The following PRKD1 variants were observed in gnomAD, a reference collection of about 807,000 sequenced individuals.
PRKD1 encodes serine/threonine-protein kinase D1.
A neutral mutation model predicts 95.9 loss-of-function variants in PRKD1; 63 were observed. The observed-to-expected ratio is 0.66, with a 90% CI of 0.54 to 0.81. The LOEUF (loss-of-function observed/expected upper bound fraction) is 0.81. Among genes scored for constraint, PRKD1 ranks in the 30% least tolerant of loss-of-function variants. The pLI is 0.00. For missense variants in PRKD1, 1,048 were observed against 1,165.3 expected, an observed-to-expected ratio of 0.90 and a Z score of 1.47; for synonymous variants, 425 against 423.1, an observed-to-expected ratio of 1.00 and a Z score of -0.05.
chr14:29,715,326 T>G (rs1885552177), intron 2 of PRKD1, among the ~76,000 whole-genome samples: 1 of 151,894 alleles, frequency 6.6e-6, no homozygotes, highest in African/African-American at 2.4e-5. Context: ...TTTTTTCAGA[T>G]AGTGAAAATG....
At chr14:29,673,324 T>A (rs1882973572) in intron 2 of PRKD1, among the ~76,000 whole-genome samples, 1 of 152,186 alleles carries the variant, frequency 6.6e-6, no homozygotes, top group Non-Finnish European at 1.5e-5. Context: ...AAGGATACTC[T>A]CCTCAACATA....
chr14:29,870,014 T>G (rs770558359), intron 1 of PRKD1, among the ~76,000 whole-genome samples: 2 of 152,152 alleles, frequency 1.3e-5, no homozygotes, highest in Non-Finnish European at 2.9e-5. Context: ...AACTTATGGC[T>G]CCACAGTCAT....
intron 2 of PRKD1, among the ~76,000 whole-genome samples, chr14:29,722,476 T>C (rs1005288491): frequency 2.6e-5 from 4 of 152,220 alleles, no homozygotes; most frequent in African/African-American, 7.2e-5. Context: ...GACTTGAAGT[T>C]CAGTTTATTT....
At chr14:29,626,724 T>TA (rs1250015823) in intron 11 of PRKD1, among the ~76,000 whole-genome samples, 168 bp from the exon 12 acceptor site, 1 of 151,268 alleles carries the variant, frequency 6.6e-6, no homozygotes, top group East Asian at 1.9e-4. Context: ...CACTCTTTTT[T>TA]TTTTTTTTGA....
In PRKD1 at chr14:29,663,724, G is replaced by C. The variant is rs571479464; in HGVS notation, c.671C>G (p.Thr224Arg). 3.1e-5 allele frequency: 50 copies of C among 1,614,002 alleles called. No homozygotes were observed. In the South Asian group the frequency reaches 5.3e-4, roughly 17 times the overall value. ...CAGAAGGGGCTCATCAGGGGCACTT[G>C]TAGAGAGTTCAGCAGATGATGTGCG... ...TIRTSSAELS[T>R]SAPDEPLLQK... Residue 224 changes from threonine (T) to arginine (R), a missense_variant, in exon 4 of 18, where the codon ACA becomes AGA. Thr to Arg is a moderately conservative substitution (Grantham distance 71, BLOSUM62 -1). Coordinates refer to ENST00000331968, the MANE Select transcript of PRKD1 (RefSeq NM_002742.3).
At position 29,826,698 on chromosome 14, in the gene PRKD1, T is replaced by C. The variant is rs111206228; in HGVS notation, c.264+100551A>G. Among the ~76,000 whole-genome samples, 289 of 42,492 alleles carry C rather than the reference T, an allele frequency of 6.8e-3. 20 individuals are homozygous for C. The highest frequency in any genetic ancestry group is 0.024 in the African/African-American group (247 of 10,310). 27.9% of individuals were successfully genotyped at this position (42,492 alleles called of 152,430 possible). A position where few individuals can be genotyped will look rare whatever the true frequency, so the allele number is the denominator to read the frequency against. ...GTATATATATATACACACATATATATACATATATACACATATATATATACA... is the reference window on the plus strand; with the variant it reads ...GTATATATATATACACACATATATACACATATATACACATATATATATACA... On this transcript the variant is annotated intron_variant, in intron 1 of 17. Transcript: ENST00000331968.
At chr14:29,604,024 C>T (rs1480698942) in intron 13 of PRKD1, among the ~76,000 whole-genome samples, 3 of 152,012 alleles carry the variant, frequency 2.0e-5, no homozygotes, top group African/African-American at 7.2e-5. Context: ...CTCTCCTGAC[C>T]CAAGTTGCCT....
At chr14:29,884,061 C>T (rs1319155661) in intron 1 of PRKD1, among the ~76,000 whole-genome samples, 1 of 152,146 alleles carries the variant, frequency 6.6e-6, no homozygotes, top group African/African-American at 2.4e-5. Context: ...AAGTGATGCT[C>T]AGTTAAAGAA....
At chr14:29,812,449 A>G (rs1424775705) in intron 1 of PRKD1, among the ~76,000 whole-genome samples, 1 of 152,212 alleles carries the variant, frequency 6.6e-6, no homozygotes, top group Non-Finnish European at 1.5e-5. Context: ...GAAAGCGTTC[A>G]GTTATCGTAT....
chr14:29,914,594 C>T (rs1277391623), intron 1 of PRKD1, among the ~76,000 whole-genome samples: 2 of 152,084 alleles, frequency 1.3e-5, no homozygotes, highest in Non-Finnish European at 2.9e-5. Flanking sequence ...ATTAGCTAGG[C>T]GTGGTGGCAC....
chr14:29,711,458 T>C (rs1381126241), intron 2 of PRKD1, among the ~76,000 whole-genome samples: 2 of 152,128 alleles, frequency 1.3e-5, no homozygotes, highest in African/African-American at 2.4e-5. Flanking sequence ...AGTGGAATAA[T>C]GTTGTGGGGT....
At chr14:29,826,844 CATATATATATATATATATATATAT>C (rs1228527833) in intron 1 of PRKD1, among the ~76,000 whole-genome samples, 1 of 28,668 alleles carries the variant, frequency 3.5e-5, no homozygotes, top group African/African-American at 1.2e-4. Flanking sequence ...TATATACACA[CATATATATATATATATATATATAT>C]ATATATATGA....
intron 2 of PRKD1, among the ~76,000 whole-genome samples, chr14:29,704,036 A>G (rs569872066): frequency 2.0e-5 from 3 of 152,312 alleles, no homozygotes; most frequent in African/African-American, 7.2e-5. Flanking sequence ...TCCTTATGAT[A>G]GGTAATACTG....
intron 2 of PRKD1, among the ~76,000 whole-genome samples, chr14:29,709,909 T>C (rs1885260608): frequency 6.6e-6 from 1 of 152,178 alleles, no homozygotes; most frequent in Non-Finnish European, 1.5e-5. Context: ...GAATAACCTT[T>C]AACCAAACTC....
At chr14:29,816,015 C>T (rs573021249) in intron 1 of PRKD1, among the ~76,000 whole-genome samples, 5 of 152,182 alleles carry the variant, frequency 3.3e-5, no homozygotes, top group East Asian at 1.9e-4. Flanking sequence ...GTCAGGAGAT[C>T]GAGACCATCC....
intron 1 of PRKD1, among the ~76,000 whole-genome samples, chr14:29,819,534 C>G (rs1890824708): frequency 6.6e-6 from 1 of 151,728 alleles, no homozygotes; most frequent in East Asian, 1.9e-4. Context: ...ACTAAAAATA[C>G]AAAAAATTAC....
At chr14:29,721,659 T>C (rs1201805814) in intron 2 of PRKD1, among the ~76,000 whole-genome samples, 1 of 152,112 alleles carries the variant, frequency 6.6e-6, no homozygotes, top group Non-Finnish European at 1.5e-5. Context: ...TACCATACAC[T>C]TGAACTTCAC....
At chr14:29,599,942 A>T in intron 13 of PRKD1, 125 bp from the exon 14 acceptor site, 1 of 714,498 alleles carries the variant, frequency 1.4e-6, no homozygotes, top group African/African-American at 1.8e-5. Flanking sequence ...GATTTTTAAC[A>T]CCTCTACATT....
intron 1 of PRKD1, among the ~76,000 whole-genome samples, chr14:29,882,981 C>G (rs1336503457): frequency 6.6e-6 from 1 of 152,076 alleles, no homozygotes; most frequent in African/African-American, 2.4e-5. Context: ...CTATAAAGAC[C>G]TGAGGTTGGG....
Sources: gnomAD v4.1 joint callset for allele counts (sites outside exome capture counted in the v4.1 genomes callset) on GRCh38, gnomAD v4.1.1 for gene constraint, MANE v1.5 for transcripts, NCBI Gene and HGNC (gene_info 2026-07-23, HGNC 2026-07-21) for gene names.